Variants in MLLT3 observed in about 807,000 individuals in gnomAD.
MLLT3 encodes MLLT3 super elongation complex subunit.
In MLLT3, 4 loss-of-function variants were observed where a neutral mutation model predicts 53.2. The observed-to-expected ratio is 0.08, with a 90% confidence interval of 0.04 to 0.17. The LOEUF (loss-of-function observed/expected upper bound fraction) is 0.17. Ranked by LOEUF, MLLT3 falls within the 10% of genes least tolerant of loss-of-function variation. MLLT3 has a pLI of 1.00. For synonymous variants in MLLT3, 283 were observed against 230.6 expected, an observed-to-expected ratio of 1.23 and a Z score of -2.06; for missense variants, 569 against 684.0, an observed-to-expected ratio of 0.83 and a Z score of 1.87.
chr9:20,456,858 A>G (rs1823982702), intron 2 of MLLT3, 72 bp from the exon 3 acceptor site: 1 of 1,213,284 alleles, frequency 8.2e-7, no homozygotes, highest in Non-Finnish European at 1.2e-6. Flanking sequence ...TTAAAAAAAA[A>G]AATCCCATTC....
intron 2 of MLLT3, among the ~76,000 whole-genome samples, chr9:20,478,605 G>C (rs1486019048): frequency 6.6e-6 from 1 of 152,108 alleles, no homozygotes; most frequent in Non-Finnish European, 1.5e-5. Context: ...CTCTGCACAT[G>C]ATCACTATAG....
chr9:20,474,176 C>G (rs1824464497), intron 2 of MLLT3, among the ~76,000 whole-genome samples: 1 of 151,996 alleles, frequency 6.6e-6, no homozygotes, highest in South Asian at 2.1e-4. Context: ...CTATAACACT[C>G]TAATTATTGG....
chr9:20,569,480 C>G (rs1436148751), intron 2 of MLLT3, among the ~76,000 whole-genome samples: 2 of 152,124 alleles, frequency 1.3e-5, no homozygotes, highest in African/African-American at 4.8e-5. Flanking sequence ...AATTAACACC[C>G]CACAAAACAG....
intron 2 of MLLT3, among the ~76,000 whole-genome samples, chr9:20,554,524 C>T (rs930889354): frequency 2.6e-5 from 4 of 152,158 alleles, no homozygotes; most frequent in Non-Finnish European, 4.4e-5. Context: ...ATATAAGATG[C>T]AATAAGAAAG....
Position 20,413,969 on chromosome 9 carries a change from G to A in MLLT3, c.877C>T (p.Leu293Phe), listed in dbSNP as rs780409592. Residue 293 changes from leucine to phenylalanine, a missense_variant, in exon 5 of 11, where the codon CTC becomes TTC. Physicochemically the swap from Leu to Phe is conservative, Grantham distance 22. This residue lies in a region of MLLT3 where 437 missense variants were observed against 376.5 expected (regional missense o/e 1.16). Coordinates refer to ENST00000380338, the MANE Select transcript of MLLT3 (RefSeq NM_004529.4). ...CTCTTTTTCCTTTTTTTGGCTGAGA[G>A]TTCTTCAGAATCTGAAATGGGCGGC... The part of the protein sequence containing the change: ...KRPPISDSEE[L>F]SAKKRKKSSS... 1.2e-6 allele frequency: 2 copies of A among 1,613,642 alleles called. No homozygotes were observed. The highest frequency in any genetic ancestry group is 2.2e-5 in the South Asian group (2 of 91,012).
chr9:20,550,633 T>G (rs1207384450), intron 2 of MLLT3, among the ~76,000 whole-genome samples: 1 of 152,166 alleles, frequency 6.6e-6, no homozygotes, highest in Non-Finnish European at 1.5e-5. Context: ...TTGCCCAGGC[T>G]AGTCTTGAAC....
chr9:20,365,846 G>T, intron 5 of MLLT3, 102 bp from the exon 6 acceptor site: 1 of 1,116,404 alleles, frequency 9.0e-7, no homozygotes, highest in Non-Finnish European at 1.3e-6. Flanking sequence ...TGCAAAAACC[G>T]TGATGCATTT....
rs566784430 is a variant in MLLT3, at chr9:20,498,115, C to G, written c.194-41329G>C. 2.7e-4 allele frequency among the ~76,000 whole-genome samples: 41 copies of G among 151,614 alleles called. 1 individual carries two copies. The South Asian group carries it at 7.7e-3, about 29-fold the overall frequency. ...GCATGCACCTGTAGTCCCAGCAACT[C>G]AGGAGGCTGACGCAGAGAATCACTT... On this transcript the variant is annotated intron_variant, in intron 2 of 10. Transcript: ENST00000380338.
Position 20,346,440 on chromosome 9 carries a change from T to C in MLLT3, c.*3A>G. 2 of 1,601,752 alleles carry C rather than the reference T, an allele frequency of 1.2e-6. No homozygotes were observed. Among genetic ancestry groups the C allele is most frequent in the Non-Finnish European group, 1.7e-6 (2 of 1,174,684 alleles). On this transcript the variant is annotated 3_prime_UTR_variant, in exon 11 of 11. Coordinates refer to ENST00000380338, the MANE Select transcript of MLLT3 (RefSeq NM_004529.4). Reference sequence around the variant, plus strand: ...GTTCTTGATGCATCCAGTTGTTATATCCTCAGGATGTTCCAGATGTTTCCA... The same window carrying C: ...GTTCTTGATGCATCCAGTTGTTATACCCTCAGGATGTTCCAGATGTTTCCA...
In MLLT3 at chr9:20,584,784, G is replaced by T. The variant is rs1024944812; in HGVS notation, c.193+35870C>A. 2.6e-5 allele frequency among the ~76,000 whole-genome samples: 4 copies of T among 152,152 alleles called. No individual in the cohort carries two copies. The East Asian group carries it at 5.8e-4, about 22-fold the overall frequency. ...TACAATTCAAGTTGAGATTTGGGTG[G>T]GGGCACAGCCAAACTGCATCAGCAT... On this transcript the variant is annotated intron_variant, in intron 2 of 10. Coordinates refer to ENST00000380338, the MANE Select transcript of MLLT3 (RefSeq NM_004529.4).
At chr9:20,599,718 T>C (rs1053757455) in intron 2 of MLLT3, among the ~76,000 whole-genome samples, 3 of 152,178 alleles carry the variant, frequency 2.0e-5, no homozygotes, top group African/African-American at 7.2e-5. Context: ...CTATATAATC[T>C]ATCATCCAAA....
rs1431782218 is a variant in MLLT3, at chr9:20,343,883, A to C, written c.*2560T>G. On this transcript the variant is annotated 3_prime_UTR_variant, in exon 11 of 11. Coordinates refer to ENST00000380338, the MANE Select transcript of MLLT3 (RefSeq NM_004529.4). ...AGAACTGAAGGGGTTACTTTAAGAG[A>C]GGTATTAAAACTACTTGAAATTAAT... 3 of 205,834 alleles carry C rather than the reference A, an allele frequency of 1.5e-5. No homozygotes were observed. The highest frequency in any genetic ancestry group is 3.0e-5 in the Non-Finnish European group (3 of 100,776). The allele number at this position is 205,834 out of a possible 1,614,324, so 12.8% of individuals were successfully genotyped here.
chr9:20,573,779 T>C (rs964132921), intron 2 of MLLT3, among the ~76,000 whole-genome samples: 9 of 152,236 alleles, frequency 5.9e-5, no homozygotes, highest in Admixed American at 2.0e-4. Flanking sequence ...TAACTAATTA[T>C]TGAGCTGTTC....
At chr9:20,472,182 T>C (rs1011413172) in intron 2 of MLLT3, among the ~76,000 whole-genome samples, 1 of 152,090 alleles carries the variant, frequency 6.6e-6, no homozygotes, top group Admixed American at 6.6e-5. Context: ...TATTATTTAA[T>C]CCTATTAGGA....
chr9:20,620,685 G>A lies in MLLT3; in HGVS notation c.162C>T (p.His54=), dbSNP rs1820978646. ...IQHFVEKVVF[H]LHESFPRPKR... ...TTGGCCTAGGAAAGCTTTCGTGCAA[G>A]TGGAAGACGACTTTCTCCACAAAGT... is the stretch of plus-strand genomic sequence containing the variant. The change falls in exon 2 of 11, where the codon CAC becomes CAT. Residue 54 remains histidine, a synonymous_variant. Transcript: ENST00000380338. The surrounding 1 kb of genome is among the most constrained non-coding windows in gnomAD (Gnocchi z 6.1). The A allele has an allele frequency of 6.2e-7, 1 of 1,614,048 alleles. No individual in the cohort carries two copies. The highest frequency in any genetic ancestry group is 8.5e-7 in the Non-Finnish European group (1 of 1,179,976).
chr9:20,458,370 C>T (rs1039130009), intron 2 of MLLT3, among the ~76,000 whole-genome samples: 1 of 152,138 alleles, frequency 6.6e-6, no homozygotes, highest in African/African-American at 2.4e-5. Context: ...ACTTGGGTAC[C>T]AATCCATGAT....
At chr9:20,367,357 C>T (rs1377864959) in intron 5 of MLLT3, among the ~76,000 whole-genome samples, 1 of 152,190 alleles carries the variant, frequency 6.6e-6, no homozygotes, top group Non-Finnish European at 1.5e-5. Context: ...CCCAGATAGT[C>T]TGTAGACTGC....
At chr9:20,565,992 A>T (rs1444795794) in intron 2 of MLLT3, among the ~76,000 whole-genome samples, 3 of 124,806 alleles carry the variant, frequency 2.4e-5, no homozygotes, top group Admixed American at 8.8e-5. Context: ...ATTTATTTAT[A>T]TATTTATTTA....
At chr9:20,359,325 A>C (rs1821259660) in intron 8 of MLLT3, among the ~76,000 whole-genome samples, 1 of 152,110 alleles carries the variant, frequency 6.6e-6, no homozygotes, top group South Asian at 2.1e-4. Context: ...TTTCCTCTGA[A>C]ATGCCTGACT....
Sources: gnomAD v4.1 joint callset for allele counts (sites outside exome capture counted in the v4.1 genomes callset) on GRCh38, gnomAD v4.1.1 for gene constraint, gnomAD v4.1.1 regional missense constraint, Gnocchi (gnomAD v3.1) non-coding constraint, MANE v1.5 for transcripts, NCBI Gene and HGNC (gene_info 2026-07-23, HGNC 2026-07-21) for gene names.